The following HEATR5A variants were observed in gnomAD, a reference collection of about 807,000 sequenced individuals.
HEATR5A encodes HEAT repeat containing 5A.
In HEATR5A, 178 loss-of-function variants were observed where a neutral mutation model predicts 218.8. The observed-to-expected ratio is 0.81, with a 90% CI of 0.72 to 0.92. HEATR5A has a LOEUF of 0.92. Ranked by LOEUF, HEATR5A falls within the 40% of genes least tolerant of loss-of-function variation. The pLI, the probability that HEATR5A is intolerant of heterozygous loss-of-function variation, is 0.00. For synonymous variants in HEATR5A, 864 were observed against 871.6 expected (o/e 0.99, Z 0.15); for missense variants, 2,420 against 2,418.9 (o/e 1.00, Z -0.01).
chr14:31,393,981 A>G (rs1386057513), intron 6 of HEATR5A, 71 bp downstream of exon 6: 1 of 999,090 alleles, frequency 1.0e-6, no homozygotes, highest in Non-Finnish European at 1.4e-6. Flanking sequence ...CAATAACACT[A>G]TACATATTTG....
intron 33 of HEATR5A, among the ~76,000 whole-genome samples, chr14:31,301,003 C>A (rs1243066886): frequency 3.3e-5 from 5 of 152,108 alleles, no homozygotes; most frequent in Non-Finnish European, 7.4e-5. Context: ...AATAATCACA[C>A]CCTACGGCAA....
intron 11 of HEATR5A, 96 bp downstream of exon 11, chr14:31,380,371 T>C: frequency 1.3e-6 from 1 of 747,944 alleles, no homozygotes; most frequent in Admixed American, 2.5e-5. Flanking sequence ...TTCTGGTATG[T>C]ATTAAAAGTT....
At position 31,402,821 on chromosome 14, in the gene HEATR5A, A is replaced by G. The variant is rs562557917; in HGVS notation, c.126+29T>C. 4.6e-6 allele frequency: 7 copies of G among 1,533,558 alleles called. No homozygotes were observed. In the South Asian group the frequency reaches 7.2e-5, roughly 16 times the overall value. 95.0% of individuals were successfully genotyped at this position (1,533,558 alleles called of 1,614,324 possible). On this transcript the variant is annotated intron_variant, in intron 2 of 35. Transcript: ENST00000543095. ...AGGAAGTAAACATGGGCACTTAAAC[A>G]AAAAAACAGATGTTGTCATTTTACC...
At chr14:31,414,839 A>ATTTG (rs369840968) in intron 1 of HEATR5A, among the ~76,000 whole-genome samples, 65 of 151,694 alleles carry the variant, frequency 4.3e-4, no homozygotes, top group Middle Eastern at 6.8e-3. Context: ...TTATTTATTT[A>ATTTG]TTTGTTTGTT....
intron 10 of HEATR5A, among the ~76,000 whole-genome samples, chr14:31,381,357 G>A (rs1346383177): frequency 6.6e-6 from 1 of 151,984 alleles, no homozygotes; most frequent in Non-Finnish European, 1.5e-5. Flanking sequence ...GTCTCATACT[G>A]AAGAGTGAAA....
At chr14:31,416,191 C>CA (rs2031441227) in intron 1 of HEATR5A, among the ~76,000 whole-genome samples, 1 of 152,114 alleles carries the variant, frequency 6.6e-6, no homozygotes, top group Non-Finnish European at 1.5e-5. Context: ...GATCTCGGCT[C>CA]ACTGCAACCT....
chr14:31,349,548 A>G (rs928430099), intron 18 of HEATR5A, among the ~76,000 whole-genome samples: 4 of 152,334 alleles, frequency 2.6e-5, no homozygotes, highest in African/African-American at 9.6e-5. Flanking sequence ...GATCAATTAC[A>G]TCACTCATAT....
At chr14:31,317,294 A>ATTT (rs35394095) in intron 26 of HEATR5A, among the ~76,000 whole-genome samples, 5 of 64,114 alleles carry the variant, frequency 7.8e-5, no homozygotes, top group Admixed American at 2.8e-4. Context: ...CCCGGGCTAG[A>ATTT]TTTTTTTTTT....
At chr14:31,406,111 T>TA (rs1189530001) in intron 1 of HEATR5A, among the ~76,000 whole-genome samples, 1 of 152,208 alleles carries the variant, frequency 6.6e-6, no homozygotes, top group Admixed American at 6.5e-5. Flanking sequence ...TCTGAAGTCT[T>TA]ACCTCATCAG....
At chr14:31,328,198 G>A (rs1373730351) in intron 22 of HEATR5A, among the ~76,000 whole-genome samples, 1 of 151,950 alleles carries the variant, frequency 6.6e-6, no homozygotes, top group Non-Finnish European at 1.5e-5. Flanking sequence ...AGATCCACCC[G>A]CCTCAGCCTC....
intron 11 of HEATR5A, among the ~76,000 whole-genome samples, chr14:31,377,584 G>A (rs1055757667): frequency 1.3e-5 from 2 of 151,986 alleles, no homozygotes; most frequent in African/African-American, 4.8e-5. Flanking sequence ...GAGTCCAGGA[G>A]TTTAAGACCA....
At chr14:31,360,562 T>A (rs1319653873) in intron 14 of HEATR5A, among the ~76,000 whole-genome samples, 2 of 152,238 alleles carry the variant, frequency 1.3e-5, no homozygotes, top group African/African-American at 4.8e-5. Context: ...TATCCTAATT[T>A]CTGTTAGGTT....
chr14:31,384,185 G>A (rs1182410126), intron 9 of HEATR5A, among the ~76,000 whole-genome samples: 1 of 152,202 alleles, frequency 6.6e-6, no homozygotes, highest in African/African-American at 2.4e-5. Context: ...GCTCACGCCT[G>A]TAATCCCAGC....
chr14:31,382,484 A>G (rs537791808), intron 10 of HEATR5A, among the ~76,000 whole-genome samples: 1 of 152,304 alleles, frequency 6.6e-6, no homozygotes, highest in East Asian at 1.9e-4. Context: ...AGTATGGGTT[A>G]GAAGGGCTTT....
At chr14:31,354,714 G>A (rs1901359217) in intron 16 of HEATR5A, among the ~76,000 whole-genome samples, 2 of 152,116 alleles carry the variant, frequency 1.3e-5, no homozygotes, top group African/African-American at 2.4e-5. Flanking sequence ...TGAAAATGTT[G>A]ATTTATTTTA....
chr14:31,322,749 G>A (rs1342423725), intron 24 of HEATR5A, among the ~76,000 whole-genome samples: 1 of 150,050 alleles, frequency 6.7e-6, no homozygotes, highest in Non-Finnish European at 1.5e-5. Context: ...AGCCTGGAAG[G>A]TTGAGGTTAC....
chr14:31,394,846 T>A (rs1225550362), intron 5 of HEATR5A, among the ~76,000 whole-genome samples: 1 of 152,066 alleles, frequency 6.6e-6, no homozygotes, highest in Non-Finnish European at 1.5e-5. Flanking sequence ...CTGTATTCTC[T>A]TACCAACTAT....
In HEATR5A at chr14:31,387,205, A is replaced by G; in HGVS notation, c.1104T>C (p.Thr368=). ...RRCVSFILRT[T]IGGLLGEKAQ... is the part of the protein sequence containing the mutation. ...CCTTTTCTCCAAGAAGACCACCTAT[A>G]GTAGTTCGAAGAATAAATGAAACAC... The change falls in exon 8 of 36, where the codon ACT becomes ACC. Residue 368 remains threonine (T), a synonymous_variant. Transcript: ENST00000543095. 1 of 1,613,964 alleles carries G rather than the reference A, an allele frequency of 6.2e-7. No homozygotes were observed. Among genetic ancestry groups the G allele is most frequent in the Non-Finnish European group, 8.5e-7 (1 of 1,179,858 alleles).
intron 10 of HEATR5A, among the ~76,000 whole-genome samples, chr14:31,381,363 T>A (rs1161039288): frequency 6.6e-6 from 1 of 151,456 alleles, no homozygotes; most frequent in Admixed American, 6.6e-5. Context: ...TACTGAAGAG[T>A]GAAATTTATT....
Sources: gnomAD v4.1 joint callset for allele counts (sites outside exome capture counted in the v4.1 genomes callset) on GRCh38, gnomAD v4.1.1 for gene constraint, MANE v1.5 for transcripts, NCBI Gene and HGNC (gene_info 2026-07-23, HGNC 2026-07-21) for gene names.